The following CUEDC1 variants were observed in gnomAD, a reference collection of about 807,000 sequenced individuals.
CUEDC1 encodes the protein CUE domain containing 1.
A neutral mutation model predicts 43.7 loss-of-function variants in CUEDC1; 30 were observed. The ratio of observed to expected loss-of-function variants is 0.69; its 90% CI spans 0.51 to 0.93. CUEDC1 has a LOEUF of 0.93. CUEDC1 is among the 40% of genes least tolerant of loss of function. CUEDC1 has a pLI of 0.00. For missense variants in CUEDC1, 486 were observed against 549.0 expected (o/e 0.89, Z 1.15); for synonymous variants, 223 against 223.6 (o/e 1.00, Z 0.02).
chr17:57,930,049 C>T lies in CUEDC1; in HGVS notation c.-316+25176G>A, dbSNP rs985101114. Among the ~76,000 whole-genome samples the T allele has an allele frequency of 2.6e-5, 4 of 152,168 alleles. No homozygotes were observed. Among genetic ancestry groups the T allele is most frequent in the East Asian group, 3.8e-4 (2 of 5,202 alleles). On this transcript the variant is annotated intron_variant, in intron 1 of 10. Coordinates refer to ENST00000577830, the MANE Select transcript of CUEDC1 (RefSeq NM_001271875.2). The surrounding 1 kb of genome is among the most constrained non-coding windows in gnomAD (Gnocchi z 4.2). Reference sequence around the variant, plus strand: ...AACTCCTGCCCTCAGGTGATCCACCCGCCTCGGCCTCCCAAAGTGCTGGGA... The same window carrying T: ...AACTCCTGCCCTCAGGTGATCCACCTGCCTCGGCCTCCCAAAGTGCTGGGA...
At chr17:57,931,315 A>G (rs140608039) in intron 1 of CUEDC1, among the ~76,000 whole-genome samples, 166 of 152,138 alleles carry the variant, frequency 1.1e-3, no homozygotes, top group African/African-American at 3.7e-3. Flanking sequence ...ACAAACAAAA[A>G]AAGAGGGAGA....
At chr17:57,934,942 A>G (rs1420762708) in intron 1 of CUEDC1, among the ~76,000 whole-genome samples, 1 of 152,202 alleles carries the variant, frequency 6.6e-6, no homozygotes, top group African/African-American at 2.4e-5. Context: ...TCCTGAGCTC[A>G]GGTGATCCAC....
chr17:57,883,132 G>C (rs1221627756), intron 2 of CUEDC1, among the ~76,000 whole-genome samples: 1 of 152,106 alleles, frequency 6.6e-6, no homozygotes. Context: ...ACTCCAAGCA[G>C]ATCAAAGGAG....
At chr17:57,935,378 G>C (rs1303844960) in intron 1 of CUEDC1, among the ~76,000 whole-genome samples, 1 of 142,088 alleles carries the variant, frequency 7.0e-6, no homozygotes, top group Non-Finnish European at 1.5e-5. Flanking sequence ...CCTTCCATTA[G>C]ACACACACAC....
At chr17:57,946,828 C>A (rs2074964143) in intron 1 of CUEDC1, among the ~76,000 whole-genome samples, 1 of 152,150 alleles carries the variant, frequency 6.6e-6, no homozygotes, top group African/African-American at 2.4e-5. Flanking sequence ...CATCACCAGC[C>A]CGGTCTCTGG....
chr17:57,893,533 T>G lies in CUEDC1; in HGVS notation c.-315-7654A>C, dbSNP rs561399207. On this transcript the variant is annotated intron_variant, in intron 1 of 10. Coordinates refer to ENST00000577830, the MANE Select transcript of CUEDC1 (RefSeq NM_001271875.2). Reference sequence around the variant, plus strand: ...GGCTCGGAAAAGGCTTAATGGAAACTCGACCCAAATGGCCACAGCTGCCGG... The same window carrying G: ...GGCTCGGAAAAGGCTTAATGGAAACGCGACCCAAATGGCCACAGCTGCCGG... Among the ~76,000 whole-genome samples, 3 of 152,280 alleles carry G rather than the reference T, an allele frequency of 2.0e-5. No homozygotes were observed. The East Asian group carries it at 5.8e-4, about 29-fold the overall frequency.
intron 1 of CUEDC1, among the ~76,000 whole-genome samples, chr17:57,925,694 A>G (rs1399502133): frequency 6.6e-6 from 1 of 152,160 alleles, no homozygotes; most frequent in Non-Finnish European, 1.5e-5. Flanking sequence ...CATCTGGGGC[A>G]CAGGAGCCTC....
chr17:57,882,303 G>C (rs981373552), intron 2 of CUEDC1, among the ~76,000 whole-genome samples: 2 of 152,008 alleles, frequency 1.3e-5, no homozygotes, highest in African/African-American at 2.4e-5. Flanking sequence ...TTCCAAAGGT[G>C]GGGGGTTGGG....
At chr17:57,904,586 C>T (rs1251661822) in intron 1 of CUEDC1, among the ~76,000 whole-genome samples, 1 of 152,220 alleles carries the variant, frequency 6.6e-6, no homozygotes, top group Non-Finnish European at 1.5e-5. Flanking sequence ...GGCCCCTGCT[C>T]CCCGTCCCAT....
rs910396700 is a variant in CUEDC1, at chr17:57,885,785, G to A, written c.-221C>T. On this transcript the variant is annotated 5_prime_UTR_variant, in exon 2 of 11. Transcript: ENST00000577830. ...AGCCCTTGGAGAGCGGTCCTCGCGG[G>A]GCGGTGGCATGCGGGACCGGGCCGT... is the stretch of plus-strand genomic sequence containing the variant. 1.8e-5 allele frequency: 10 copies of A among 569,724 alleles called. No homozygotes were observed. The highest frequency in any genetic ancestry group is 5.2e-6 in the Non-Finnish European group (2 of 385,124). The allele number at this position is 569,724 out of a possible 1,614,324, so 35.3% of individuals were successfully genotyped here.
intron 3 of CUEDC1, among the ~76,000 whole-genome samples, chr17:57,877,297 G>T (rs2074139282): frequency 6.6e-6 from 1 of 152,226 alleles, no homozygotes; most frequent in African/African-American, 2.4e-5. Flanking sequence ...AGCCAGAGTA[G>T]GGAGGGAGGA....
chr17:57,890,763 T>C (rs1205364921), intron 1 of CUEDC1, among the ~76,000 whole-genome samples: 3 of 152,204 alleles, frequency 2.0e-5, no homozygotes, highest in Non-Finnish European at 4.4e-5. Flanking sequence ...CATCTGGCCT[T>C]GCCCAAGGTC....
intron 1 of CUEDC1, among the ~76,000 whole-genome samples, chr17:57,935,378 G>GAC (rs146002407): frequency 0.042 from 5,919 of 142,126 alleles, 149 homozygotes; most frequent in South Asian, 0.082. Context: ...CCTTCCATTA[G>GAC]ACACACACAC....
At chr17:57,904,241 C>T (rs1049783254) in intron 1 of CUEDC1, among the ~76,000 whole-genome samples, 8 of 152,140 alleles carry the variant, frequency 5.3e-5, no homozygotes, top group African/African-American at 1.9e-4. Flanking sequence ...CCTACCCCAC[C>T]GCGTCTCCTA....
At position 57,879,625 on chromosome 17, in the gene CUEDC1, C is replaced by A; in HGVS notation, c.450G>T (p.Pro150=). ...CAGATTCTCACCGGGGAGGCGGAGT[C>A]GGGGGAGCCAGAGGGTAGGGCCGGT... ...VFDRPYPLAP[P]TPPPRIDALG... Residue 150 remains proline, a synonymous_variant, in exon 3 of 11, where the codon CCG becomes CCT. Transcript: ENST00000577830. 6.3e-7 allele frequency: 1 copy of A among 1,592,798 alleles called. No homozygotes were observed. Among genetic ancestry groups the A allele is most frequent in the Non-Finnish European group, 8.5e-7 (1 of 1,172,938 alleles).
At position 57,872,662 on chromosome 17, in the gene CUEDC1, C is replaced by T. The variant is rs1181350116; in HGVS notation, c.784+1G>A. On this transcript the variant is annotated splice_donor_variant, in intron 5 of 10. Transcript: ENST00000577830. LOFTEE classifies it high-confidence loss of function. ...GAGAAGTGGCTGCAGGCGCTGCCCA[C>T]CTCTCTCCAGAGCGAGGAGGAAGTC... 1.2e-6 allele frequency: 2 copies of T among 1,613,828 alleles called. No homozygotes were observed. The highest frequency in any genetic ancestry group is 1.7e-6 in the Non-Finnish European group (2 of 1,180,020).
At chr17:57,869,459 G>A (rs533703121) in intron 6 of CUEDC1, among the ~76,000 whole-genome samples, 12 of 152,228 alleles carry the variant, frequency 7.9e-5, no homozygotes, top group Admixed American at 2.6e-4. Context: ...AACTGTCCAC[G>A]CCTCTGACCA....
intron 1 of CUEDC1, among the ~76,000 whole-genome samples, chr17:57,927,629 C>T (rs1461996009): frequency 6.6e-6 from 1 of 152,182 alleles, no homozygotes; most frequent in Non-Finnish European, 1.5e-5. Context: ...AAGCTCCCAA[C>T]CCCTCAAATT....
At chr17:57,948,543 T>A (rs745354657) in intron 1 of CUEDC1, among the ~76,000 whole-genome samples, 14 of 152,330 alleles carry the variant, frequency 9.2e-5, no homozygotes, top group Admixed American at 3.3e-4. Context: ...AGGCCAAATT[T>A]AAGTAATCTT....
Sources: gnomAD v4.1 joint callset for allele counts (sites outside exome capture counted in the v4.1 genomes callset) on GRCh38, gnomAD v4.1.1 for gene constraint, Gnocchi (gnomAD v3.1) non-coding constraint, MANE v1.5 for transcripts, NCBI Gene and HGNC (gene_info 2026-07-23, HGNC 2026-07-21) for gene names.